CYFIP2: variants seen among roughly 807,000 people sequenced by gnomAD.
CYFIP2 encodes cytoplasmic FMR1-interacting protein 2.
In CYFIP2, 29 loss-of-function variants were observed where a neutral mutation model predicts 158.7. The ratio of observed to expected loss-of-function variants is 0.18; its 90% CI spans 0.14 to 0.25. The LOEUF (loss-of-function observed/expected upper bound fraction) is 0.25. CYFIP2 is among the 10% of genes least tolerant of loss of function. The pLI, the probability that CYFIP2 is intolerant of heterozygous loss-of-function variation, is 1.00. For missense variants in CYFIP2, 852 were observed against 1,639.5 expected (o/e 0.52, Z 8.29); for synonymous variants, 585 against 617.6 (o/e 0.95, Z 0.78).
chr5:157,382,373 C>T (rs1425446844), intron 26 of CYFIP2, among the ~76,000 whole-genome samples: 2 of 152,182 alleles, frequency 1.3e-5, no homozygotes, highest in African/African-American at 2.4e-5. Context: ...GTTTGATCCT[C>T]ACAACCCATT....
At chr5:157,352,287 TACTACC>T (rs1763124734) in intron 23 of CYFIP2, among the ~76,000 whole-genome samples, 1 of 152,194 alleles carries the variant, frequency 6.6e-6, no homozygotes, top group South Asian at 2.1e-4. Context: ...CATACCGTCA[TACTACC>T]ACAGTGCCTC....
Position 157,390,569 on chromosome 5 carries a change from C to G in CYFIP2, c.3495C>G (p.Val1165=). The part of the protein sequence containing the change: ...GLNWAGCSII[V]LLGQQRRFDL... ...ACTGGGCTGGTTGCTCCATCATTGTCCTGCTGGGCCAGCAGCGTCGCTTTG... is the reference window on the plus strand; with the variant it reads ...ACTGGGCTGGTTGCTCCATCATTGTGCTGCTGGGCCAGCAGCGTCGCTTTG... Residue 1165 remains valine (V), a synonymous_variant, in exon 30 of 31, where the codon GTC becomes GTG. Coordinates refer to ENST00000620254, the MANE Select transcript of CYFIP2 (RefSeq NM_001037333.3). 4 of 1,554,180 alleles carry G rather than the reference C, an allele frequency of 2.6e-6. No individual in the cohort carries two copies. Among genetic ancestry groups the G allele is most frequent in the Non-Finnish European group, 3.5e-6 (4 of 1,148,412 alleles).
intron 21 of CYFIP2, 85 bp from the exon 22 acceptor site, chr5:157,338,972 C>G: frequency 7.3e-7 from 1 of 1,366,126 alleles, no homozygotes; most frequent in Non-Finnish European, 1.0e-6. Flanking sequence ...CTGTCACTTG[C>G]GTGAACAGAA....
intron 21 of CYFIP2, among the ~76,000 whole-genome samples, chr5:157,338,803 G>A (rs73306204): frequency 0.015 from 2,247 of 152,270 alleles, 78 homozygotes; most frequent in African/African-American, 0.052. Context: ...GGGGGTAGGC[G>A]TGCAACCTCC....
At chr5:157,341,689 G>T (rs1314343949) in intron 23 of CYFIP2, 1 of 157,988 alleles carries the variant, frequency 6.3e-6, no homozygotes, top group Non-Finnish European at 1.4e-5. Context: ...GTAGGCAAGG[G>T]AATAGGGATG....
chr5:157,321,860 G>A (rs934314948), intron 15 of CYFIP2, among the ~76,000 whole-genome samples: 40 of 152,224 alleles, frequency 2.6e-4, no homozygotes, highest in African/African-American at 8.0e-4. Context: ...CCAAGGAAGC[G>A]TCTGCAAACA....
chr5:157,272,251 C>T (rs865965820), intron 1 of CYFIP2, among the ~76,000 whole-genome samples: 1 of 152,318 alleles, frequency 6.6e-6, no homozygotes, highest in Middle Eastern at 3.4e-3. Context: ...TGCAGGTCCC[C>T]TGTGTGGAGA....
rs73814091 is a variant in CYFIP2, at chr5:157,288,696, A to G, written c.207+1588A>G. 1,905 of 446,780 alleles carry G rather than the reference A, an allele frequency of 4.3e-3. 38 individuals carry two copies. The highest frequency in any genetic ancestry group is 0.034 in the African/African-American group (1,679 of 49,334). 27.7% of individuals were successfully genotyped at this position (446,780 alleles called of 1,614,324 possible). On this transcript the variant is annotated intron_variant, in intron 3 of 30. Coordinates refer to ENST00000620254, the MANE Select transcript of CYFIP2 (RefSeq NM_001037333.3). ...TATCATATCCATTTTGCCGATGGGG[A>G]AAACTGGAGCCCAAAAAAATTGCAT...
chr5:157,344,712 C>T (rs554202881), intron 23 of CYFIP2, among the ~76,000 whole-genome samples: 8 of 152,210 alleles, frequency 5.3e-5, no homozygotes, highest in Non-Finnish European at 1.0e-4. Flanking sequence ...CTTTGTCTTC[C>T]GCCTCTCCTC....
chr5:157,389,689 A>G, intron 29 of CYFIP2: 1 of 345,568 alleles, frequency 2.9e-6, no homozygotes, highest in Non-Finnish European at 5.3e-6. Context: ...CTTAGAGCAG[A>G]CAGCAGAGCT....
chr5:157,392,545 T>A (rs774853798), intron 30 of CYFIP2, among the ~76,000 whole-genome samples: 2 of 152,248 alleles, frequency 1.3e-5, no homozygotes, highest in Non-Finnish European at 2.9e-5. Context: ...TAATAGTGTA[T>A]TTCTGGGCTC....
intron 1 of CYFIP2, among the ~76,000 whole-genome samples, chr5:157,268,622 G>A (rs114989548): frequency 0.079 from 11,998 of 152,292 alleles, 626 homozygotes; most frequent in Middle Eastern, 0.15. Context: ...TTGGACCACT[G>A]TTGGCCCCAG....
At chr5:157,353,189 G>A (rs1402550169) in intron 23 of CYFIP2, among the ~76,000 whole-genome samples, 23 of 152,176 alleles carry the variant, frequency 1.5e-4, no homozygotes, top group Admixed American at 1.3e-3. Context: ...GACGGAATTC[G>A]TATGTGAAAA....
At chr5:157,292,170 TTAACA>T (rs1474232266) in intron 3 of CYFIP2, among the ~76,000 whole-genome samples, 1 of 152,132 alleles carries the variant, frequency 6.6e-6, no homozygotes, top group Non-Finnish European at 1.5e-5. Context: ...CTTCTTTTAC[TTAACA>T]TAATGTTTTC....
At chr5:157,371,801 C>T (rs2113445893) in intron 26 of CYFIP2, among the ~76,000 whole-genome samples, 1 of 152,286 alleles carries the variant, frequency 6.6e-6, no homozygotes, top group East Asian at 1.9e-4. Context: ...GAGTTCCTTA[C>T]AGTAAAATAT....
At chr5:157,319,999 T>C in intron 14 of CYFIP2, 71 bp downstream of exon 14, 7 of 1,563,046 alleles carry the variant, frequency 4.5e-6, no homozygotes, top group Non-Finnish European at 6.1e-6. Context: ...GAGGATGTCC[T>C]GGCTCAGCCA....
intron 6 of CYFIP2, among the ~76,000 whole-genome samples, chr5:157,302,134 C>T (rs767399646): frequency 5.1e-4 from 77 of 152,312 alleles, no homozygotes; most frequent in Admixed American, 1.0e-3. Context: ...GATCCTCTGC[C>T]GCCCAGCTAG....
chr5:157,274,123 T>G (rs1467479930), intron 1 of CYFIP2, among the ~76,000 whole-genome samples: 2 of 133,510 alleles, frequency 1.5e-5, no homozygotes, highest in African/African-American at 5.5e-5. Context: ...AGAGTGAAAC[T>G]CTGTGTAAAA....
At chr5:157,342,624 T>G (rs1453890063) in intron 23 of CYFIP2, 4 of 457,572 alleles carry the variant, frequency 8.7e-6, no homozygotes, top group African/African-American at 1.9e-5. Context: ...AATTCTTAAC[T>G]GTGTCCTCCG....
Sources: allele counts gnomAD v4.1 joint callset (sites outside exome capture counted in the v4.1 genomes callset), GRCh38; gene constraint gnomAD v4.1.1; transcripts MANE v1.5; gene names NCBI Gene and HGNC (gene_info 2026-07-23, HGNC 2026-07-21).